The following SPATA16 variants were observed in gnomAD, a reference collection of about 807,000 sequenced individuals.
The protein encoded by SPATA16 is spermatogenesis-associated protein 16.
A neutral mutation model predicts 63.3 loss-of-function variants in SPATA16; 36 were observed. That is an observed-to-expected ratio of 0.57 (90% CI 0.44 to 0.75). SPATA16 has a LOEUF of 0.75. Ranked by LOEUF, SPATA16 falls within the 30% of genes least tolerant of loss-of-function variation. The probability of loss-of-function intolerance (pLI) is 0.00; values close to 1 mark genes in which losing one functional copy is unlikely to be tolerated. For synonymous variants in SPATA16, 203 were observed against 216.7 expected (o/e 0.94, Z 0.56); for missense variants, 646 against 679.3 (o/e 0.95, Z 0.54).
At chr3:172,978,137 CCCTCTCTCTCTCTCTCTCTCTCTCTA>C (rs1015860629) in intron 4 of SPATA16, among the ~76,000 whole-genome samples, 2 of 148,078 alleles carry the variant, frequency 1.4e-5, no homozygotes, top group South Asian at 2.1e-4. Context: ...CTCTCTCTCT[CCCTCTCTCTCTCTCTCTCTCTCTCTA>C]TATATATATA....
At chr3:173,065,336 A>T (rs1282053912) in intron 2 of SPATA16, among the ~76,000 whole-genome samples, 1 of 152,136 alleles carries the variant, frequency 6.6e-6, no homozygotes, top group Non-Finnish European at 1.5e-5. Flanking sequence ...TCTTAAGGCA[A>T]CTTCCATCTC....
At position 172,946,870 on chromosome 3, in the gene SPATA16, TG is replaced by T. The variant is rs560051250; in HGVS notation, c.1081+9806del. Among the ~76,000 whole-genome samples the T allele has an allele frequency of 1.1e-4, 17 of 152,304 alleles. No individual in the cohort carries two copies. The South Asian group carries it at 3.1e-3, about 28-fold the overall frequency. ...ATATAGGTGGTAGCCAGGTAGTGAC[TG>T]GGTGGGTCTTGGGAGGGACCCAGTG... is the stretch of plus-strand genomic sequence containing the variant. On this transcript the variant is annotated intron_variant, in intron 6 of 10. Transcript: ENST00000351008.
At chr3:173,067,580 C>G (rs1039305012) in intron 2 of SPATA16, among the ~76,000 whole-genome samples, 14 of 151,988 alleles carry the variant, frequency 9.2e-5, no homozygotes, top group African/African-American at 3.4e-4. Flanking sequence ...GCACGCATAC[C>G]CCCGAACCTA....
intron 3 of SPATA16, among the ~76,000 whole-genome samples, chr3:173,047,595 T>C (rs1449550649): frequency 6.6e-6 from 1 of 152,084 alleles, no homozygotes; most frequent in Admixed American, 6.6e-5. Context: ...TTTTTTAGTC[T>C]GTAAATAGTT....
At chr3:173,043,661 AT>A (rs1735897311) in intron 3 of SPATA16, among the ~76,000 whole-genome samples, 1 of 151,688 alleles carries the variant, frequency 6.6e-6, no homozygotes, top group African/African-American at 2.4e-5. Flanking sequence ...TATATTTACC[AT>A]TTATCACCTC....
chr3:173,063,182 A>C (rs571124044), intron 2 of SPATA16, among the ~76,000 whole-genome samples: 12 of 152,334 alleles, frequency 7.9e-5, no homozygotes, highest in African/African-American at 2.9e-4. Context: ...CTAGAGTAGC[A>C]TTGAGGAAAT....
intron 6 of SPATA16, among the ~76,000 whole-genome samples, chr3:172,954,336 A>G (rs1733520277): frequency 6.6e-6 from 1 of 152,166 alleles, no homozygotes; most frequent in Admixed American, 6.5e-5. Flanking sequence ...ATTTACTACC[A>G]TGAGAACAGT....
intron 2 of SPATA16, among the ~76,000 whole-genome samples, chr3:173,101,166 A>G (rs1052609983): frequency 4.6e-5 from 7 of 152,094 alleles, no homozygotes; most frequent in African/African-American, 1.4e-4. Flanking sequence ...GTGCAAGTGG[A>G]TTACATATTG....
intron 10 of SPATA16, among the ~76,000 whole-genome samples, chr3:172,907,524 T>C (rs75068636): frequency 0.016 from 2,500 of 152,152 alleles, 58 homozygotes; most frequent in African/African-American, 0.057. Flanking sequence ...TACCCTACCC[T>C]GCTTGCTGTT....
At chr3:172,969,254 T>TTAGA (rs1164235714) in intron 5 of SPATA16, among the ~76,000 whole-genome samples, 3 of 152,148 alleles carry the variant, frequency 2.0e-5, no homozygotes, top group Non-Finnish European at 4.4e-5. Context: ...AGCTGCCTAA[T>TTAGA]CTACTGGGAG....
intron 6 of SPATA16, among the ~76,000 whole-genome samples, chr3:172,942,520 C>A (rs942492341): frequency 4.7e-5 from 7 of 150,202 alleles, no homozygotes; most frequent in Admixed American, 3.3e-4. Context: ...TTAAAACAGG[C>A]ACATTGATGC....
chr3:173,127,114 T>G (rs1353225810), intron 1 of SPATA16, among the ~76,000 whole-genome samples: 1 of 152,232 alleles, frequency 6.6e-6, no homozygotes, highest in Non-Finnish European at 1.5e-5. Flanking sequence ...GAACTCAAAA[T>G]TGTGCTTTAC....
At chr3:173,011,150 G>T (rs1464275783) in intron 4 of SPATA16, among the ~76,000 whole-genome samples, 2 of 151,858 alleles carry the variant, frequency 1.3e-5, no homozygotes, top group Admixed American at 1.3e-4. Flanking sequence ...AAAACTACAG[G>T]CACAAAATCA....
intron 2 of SPATA16, among the ~76,000 whole-genome samples, chr3:173,056,705 C>CAAAAAAAAAAAAAAAAAAAAAAAA (rs71162325): frequency 1.4e-5 from 1 of 73,616 alleles, no homozygotes; most frequent in African/African-American, 5.6e-5. Flanking sequence ...ACTCTTGTTT[C>CAAAAAAAAAAAAAAAAAAAAAAAA]AAAAAAAAAA....
chr3:173,090,238 A>C (rs1737190111), intron 2 of SPATA16, among the ~76,000 whole-genome samples: 1 of 152,028 alleles, frequency 6.6e-6, no homozygotes, highest in Admixed American at 6.6e-5. Flanking sequence ...GAGACTGTTT[A>C]AAAGTGTGTA....
intron 10 of SPATA16, among the ~76,000 whole-genome samples, chr3:172,890,143 G>C (rs1308625547): frequency 6.6e-6 from 1 of 152,092 alleles, no homozygotes; most frequent in Non-Finnish European, 1.5e-5. Flanking sequence ...TAACCAACAT[G>C]GGAGAAAAAT....
At chr3:172,936,709 A>T (rs1733003045) in intron 6 of SPATA16, among the ~76,000 whole-genome samples, 1 of 151,646 alleles carries the variant, frequency 6.6e-6, no homozygotes, top group East Asian at 1.9e-4. Context: ...CTTATTTTTT[A>T]TTTATTTATT....
chr3:172,892,669 A>G (rs1172923158), intron 10 of SPATA16, among the ~76,000 whole-genome samples: 1 of 152,194 alleles, frequency 6.6e-6, no homozygotes, highest in Admixed American at 6.5e-5. Context: ...AAATAGATTC[A>G]TATAACTAGA....
At chr3:172,906,548 C>T (rs974882485) in intron 10 of SPATA16, among the ~76,000 whole-genome samples, 2 of 144,670 alleles carry the variant, frequency 1.4e-5, no homozygotes, top group South Asian at 4.9e-4. Context: ...CCTTAATTCC[C>T]CACTCGGCCT....
Sources: allele counts gnomAD v4.1 joint callset (sites outside exome capture counted in the v4.1 genomes callset), GRCh38; gene constraint gnomAD v4.1.1; transcripts MANE v1.5; gene names NCBI Gene and HGNC (gene_info 2026-07-23, HGNC 2026-07-21).